The following MEF2C variants were observed in gnomAD, a reference collection of about 807,000 sequenced individuals.
MEF2C encodes the protein myocyte enhancer factor 2C.
MEF2C carries 6 observed loss-of-function variants against 50.5 expected under a neutral mutation model. That is an observed-to-expected ratio of 0.12 (90% CI 0.07 to 0.23). MEF2C has a LOEUF of 0.23. Ranked by LOEUF, MEF2C falls within the 10% of genes least tolerant of loss-of-function variation. The probability of loss-of-function intolerance (pLI) is 1.00; values close to 1 mark genes in which losing one functional copy is unlikely to be tolerated. For synonymous variants in MEF2C, 183 were observed against 228.0 expected (o/e 0.80, Z 1.78); for missense variants, 276 against 605.0 (o/e 0.46, Z 5.70).
intron 1 of MEF2C, among the ~76,000 whole-genome samples, chr5:88,854,040 A>G (rs1221600831): frequency 6.6e-6 from 1 of 152,196 alleles, no homozygotes; most frequent in East Asian, 1.9e-4. Flanking sequence ...ATAATTTAGG[A>G]AAGAGGTGGA....
chr5:88,801,335 C>G (rs1293491213), intron 3 of MEF2C, among the ~76,000 whole-genome samples: 1 of 152,012 alleles, frequency 6.6e-6, no homozygotes, highest in Admixed American at 6.6e-5. Flanking sequence ...AAATTTTACC[C>G]AGGAGCAGTA....
intron 3 of MEF2C, among the ~76,000 whole-genome samples, chr5:88,778,714 A>T (rs537183345): frequency 1.3e-5 from 2 of 152,372 alleles, no homozygotes; most frequent in South Asian, 2.1e-4. Context: ...AAAATAAAGT[A>T]AATGACTTAA....
chr5:88,825,625 T>C, intron 1 of MEF2C: 1 of 984,926 alleles, frequency 1.0e-6, no homozygotes, highest in Non-Finnish European at 1.2e-6. Flanking sequence ...TTGCATCATA[T>C]ATTTGATGTT....
intron 10 of MEF2C, among the ~76,000 whole-genome samples, chr5:88,724,980 T>C (rs1380551200): frequency 6.6e-6 from 1 of 152,138 alleles, no homozygotes; most frequent in Non-Finnish European, 1.5e-5. Context: ...AGATTATGTC[T>C]TCACAGGGAG....
chr5:88,794,413 T>C (rs982404187), intron 3 of MEF2C, among the ~76,000 whole-genome samples: 2 of 152,238 alleles, frequency 1.3e-5, no homozygotes, highest in African/African-American at 4.8e-5. Flanking sequence ...TAGCTTTTTT[T>C]CATATGCTTG....
At chr5:88,873,850 C>A (rs1359861551) in intron 1 of MEF2C, among the ~76,000 whole-genome samples, 1 of 148,616 alleles carries the variant, frequency 6.7e-6, no homozygotes, top group African/African-American at 2.5e-5. Context: ...CCAATAAATA[C>A]TAGAAATAAA....
At chr5:88,824,386 C>T (rs1037387352) in intron 1 of MEF2C, 29 of 982,354 alleles carry the variant, frequency 3.0e-5, no homozygotes, top group Non-Finnish European at 3.3e-5. Flanking sequence ...GAGGTGATAA[C>T]GTCCCTCGTT....
At chr5:88,879,587 C>T (rs1334240743) in intron 1 of MEF2C, among the ~76,000 whole-genome samples, 1 of 151,914 alleles carries the variant, frequency 6.6e-6, no homozygotes, top group Non-Finnish European at 1.5e-5. Context: ...CTGTTTTGTG[C>T]TCTTTATAAC....
intron 3 of MEF2C, among the ~76,000 whole-genome samples, chr5:88,803,599 A>G (rs1799230892): frequency 1.3e-5 from 2 of 152,244 alleles, no homozygotes; most frequent in African/African-American, 4.8e-5. Flanking sequence ...AAGCCAGAGT[A>G]GACAAATAGA....
intron 6 of MEF2C, chr5:88,734,091 C>T: frequency 1.0e-6 from 1 of 984,374 alleles, no homozygotes; most frequent in Non-Finnish European, 1.2e-6. Context: ...AAATGGAGTG[C>T]TTAGAGGAGT....
chr5:88,817,489 A>AT (rs1806033399), intron 2 of MEF2C, among the ~76,000 whole-genome samples: 1 of 151,972 alleles, frequency 6.6e-6, no homozygotes, highest in African/African-American at 2.4e-5. Context: ...AGATGGGGAC[A>AT]TAAGAAGAGG....
At chr5:88,765,707 C>T (rs1374943494) in intron 3 of MEF2C, among the ~76,000 whole-genome samples, 1 of 152,202 alleles carries the variant, frequency 6.6e-6, no homozygotes, top group East Asian at 1.9e-4. Context: ...CATTCTTTTA[C>T]AGGGGCTGGA....
intron 3 of MEF2C, among the ~76,000 whole-genome samples, chr5:88,789,693 T>C (rs1365419008): frequency 1.3e-5 from 2 of 152,078 alleles, no homozygotes; most frequent in Non-Finnish European, 2.9e-5. Flanking sequence ...TGACAGAGAA[T>C]TTTTTTTCTT....
chr5:88,740,062 G>A, intron 6 of MEF2C: 1 of 985,212 alleles, frequency 1.0e-6, no homozygotes, highest in Non-Finnish European at 1.2e-6. Flanking sequence ...CTATACCAAA[G>A]CCAAGAACTA....
chr5:88,825,733 G>A (rs941197025), intron 1 of MEF2C: 1 of 567,690 alleles, frequency 1.8e-6, no homozygotes, highest in Non-Finnish European at 2.2e-6. Flanking sequence ...GAAGCAAGCA[G>A]TGTGTTAGAA....
intron 6 of MEF2C, 129 bp downstream of exon 6, chr5:88,748,941 T>G: frequency 1.3e-6 from 2 of 1,519,742 alleles, no homozygotes; most frequent in Admixed American, 4.2e-5. Flanking sequence ...TTAAAAATTC[T>G]TGGTGTCATT....
intron 2 of MEF2C, among the ~76,000 whole-genome samples, chr5:88,808,059 G>A (rs1801267577): frequency 6.6e-6 from 1 of 151,922 alleles, no homozygotes; most frequent in South Asian, 2.1e-4. Flanking sequence ...CTTTTATTCT[G>A]TTTTATGCAG....
chr5:88,748,232 T>C (rs1266162981), intron 6 of MEF2C: 1 of 975,102 alleles, frequency 1.0e-6, no homozygotes, highest in Admixed American at 6.1e-5. Flanking sequence ...TTAATTAGGC[T>C]ATCCATGTCT....
intron 2 of MEF2C, among the ~76,000 whole-genome samples, chr5:88,814,295 C>G (rs775563337): frequency 3.9e-5 from 6 of 151,912 alleles, no homozygotes; most frequent in African/African-American, 1.5e-4. Flanking sequence ...TGATTACTCT[C>G]GGTGGGAGGA....
Sources: allele counts gnomAD v4.1 joint callset (sites outside exome capture counted in the v4.1 genomes callset), GRCh38; gene constraint gnomAD v4.1.1; transcripts MANE v1.5; gene names NCBI Gene and HGNC (gene_info 2026-07-23, HGNC 2026-07-21).